Variants in ARHGAP24 observed in about 807,000 individuals in gnomAD.
The protein encoded by ARHGAP24 is Rho GTPase activating protein 24, also known as rho GTPase-activating protein 24.
A neutral mutation model predicts 76.4 loss-of-function variants in ARHGAP24; 50 were observed. That is an observed-to-expected ratio of 0.65 (90% CI 0.52 to 0.83). The LOEUF (loss-of-function observed/expected upper bound fraction) is 0.83. Ranked by LOEUF, ARHGAP24 falls within the 40% of genes least tolerant of loss-of-function variation. The pLI, the probability that ARHGAP24 is intolerant of heterozygous loss-of-function variation, is 0.00. For synonymous variants in ARHGAP24, 345 were observed against 323.3 expected (o/e 1.07, Z -0.72); for missense variants, 930 against 914.2 (o/e 1.02, Z -0.22).
At chr4:85,703,848 T>G (rs55954286) in intron 2 of ARHGAP24, among the ~76,000 whole-genome samples, 138 of 152,112 alleles carry the variant, frequency 9.1e-4, no homozygotes, top group Non-Finnish European at 1.3e-3. Flanking sequence ...ATAATTTACA[T>G]AGAGTTATGT....
chr4:85,883,108 G>A (rs927691922), intron 3 of ARHGAP24, among the ~76,000 whole-genome samples: 2 of 152,080 alleles, frequency 1.3e-5, no homozygotes, highest in Non-Finnish European at 2.9e-5. Flanking sequence ...AACAAGGCAG[G>A]GAGGAGAACT....
chr4:85,483,481 G>A (rs182780866), intron 1 of ARHGAP24, among the ~76,000 whole-genome samples: 281 of 152,184 alleles, frequency 1.8e-3, no homozygotes, highest in Middle Eastern at 3.4e-3. Context: ...GCGTGGTGGT[G>A]CATGCCTGTA....
intron 1 of ARHGAP24, among the ~76,000 whole-genome samples, chr4:85,511,304 C>T (rs1047510667): frequency 3.9e-4 from 60 of 152,088 alleles, no homozygotes; most frequent in African/African-American, 1.1e-3. Context: ...GTTTCTTTAA[C>T]GATCTAGGAA....
intron 2 of ARHGAP24, among the ~76,000 whole-genome samples, chr4:85,624,725 C>A (rs1368820533): frequency 6.6e-6 from 1 of 152,194 alleles, no homozygotes; most frequent in Admixed American, 6.5e-5. Context: ...GGTTGGTAAG[C>A]TATTGATTAT....
At chr4:85,783,955 T>C (rs887467116) in intron 3 of ARHGAP24, among the ~76,000 whole-genome samples, 1 of 152,148 alleles carries the variant, frequency 6.6e-6, no homozygotes, top group Non-Finnish European at 1.5e-5. Context: ...CTCTTCTACA[T>C]GAAACAAACA....
chr4:85,954,389 G>T (rs923995429), intron 5 of ARHGAP24, among the ~76,000 whole-genome samples: 1 of 152,060 alleles, frequency 6.6e-6, no homozygotes, highest in Non-Finnish European at 1.5e-5. Context: ...TTGTTTGTTT[G>T]TTTCTTTACT....
intron 3 of ARHGAP24, among the ~76,000 whole-genome samples, chr4:85,759,429 ATAAT>A (rs1218060462): frequency 6.6e-6 from 1 of 152,218 alleles, no homozygotes; most frequent in Non-Finnish European, 1.5e-5. Flanking sequence ...AAGGAAGAGA[ATAAT>A]TAGTCAATAC....
intron 3 of ARHGAP24, among the ~76,000 whole-genome samples, chr4:85,737,089 C>G (rs1219202392): frequency 6.6e-6 from 1 of 152,068 alleles, no homozygotes; most frequent in Non-Finnish European, 1.5e-5. Context: ...CATTCTTTCA[C>G]CAGCACACAG....
chr4:85,882,246 G>GCC (rs1166412220), intron 3 of ARHGAP24, among the ~76,000 whole-genome samples: 1 of 152,150 alleles, frequency 6.6e-6, no homozygotes, highest in Non-Finnish European at 1.5e-5. Flanking sequence ...AAAACATTAA[G>GCC]TTTATTGATT....
chr4:85,547,619 G>A (rs1323628866), intron 1 of ARHGAP24, among the ~76,000 whole-genome samples: 1 of 151,918 alleles, frequency 6.6e-6, no homozygotes, highest in Non-Finnish European at 1.5e-5. Flanking sequence ...TAATTTTGTG[G>A]AGATGGGTTT....
At chr4:85,973,634 T>C (rs1447073298) in intron 6 of ARHGAP24, among the ~76,000 whole-genome samples, 2 of 152,154 alleles carry the variant, frequency 1.3e-5, no homozygotes, top group Non-Finnish European at 1.5e-5. Context: ...TGTATTTTCT[T>C]CTAAGACTTC....
At chr4:85,644,675 A>G (rs1412194756) in intron 2 of ARHGAP24, among the ~76,000 whole-genome samples, 1 of 152,174 alleles carries the variant, frequency 6.6e-6, no homozygotes, top group African/African-American at 2.4e-5. Context: ...ATTAATGATA[A>G]TGACATGTAT....
intron 3 of ARHGAP24, among the ~76,000 whole-genome samples, chr4:85,812,141 A>T (rs1729041912): frequency 6.6e-6 from 1 of 152,174 alleles, no homozygotes; most frequent in African/African-American, 2.4e-5. Context: ...GTGCCACTGC[A>T]CTCCAGCCTG....
At chr4:85,538,848 A>G (rs1420650651) in intron 1 of ARHGAP24, among the ~76,000 whole-genome samples, 1 of 152,208 alleles carries the variant, frequency 6.6e-6, no homozygotes, top group East Asian at 1.9e-4. Context: ...TTCTGAGCTT[A>G]TAAGAGAAAG....
intron 1 of ARHGAP24, among the ~76,000 whole-genome samples, chr4:85,499,727 G>A (rs13434427): frequency 6.4e-4 from 97 of 152,176 alleles, no homozygotes; most frequent in Non-Finnish European, 5.7e-4. Flanking sequence ...AGATGAGTAC[G>A]GAAGAAGAAA....
At chr4:85,759,461 G>A (rs1201196705) in intron 3 of ARHGAP24, among the ~76,000 whole-genome samples, 3 of 152,136 alleles carry the variant, frequency 2.0e-5, no homozygotes, top group Non-Finnish European at 4.4e-5. Context: ...ATTAGAGAAG[G>A]AGGACTGATG....
At chr4:85,530,714 G>A (rs1725223131) in intron 1 of ARHGAP24, among the ~76,000 whole-genome samples, 1 of 152,002 alleles carries the variant, frequency 6.6e-6, no homozygotes, top group African/African-American at 2.4e-5. Flanking sequence ...CTTAGTGCAA[G>A]AGCAGAGCCA....
intron 3 of ARHGAP24, among the ~76,000 whole-genome samples, chr4:85,870,741 A>G (rs185380399): frequency 6.6e-6 from 1 of 152,256 alleles, no homozygotes; most frequent in East Asian, 1.9e-4. Context: ...TAATTATTGA[A>G]TGAGGGTTGT....
At chr4:85,937,751 CA>C (rs1736727326) in intron 4 of ARHGAP24, among the ~76,000 whole-genome samples, 1 of 150,278 alleles carries the variant, frequency 6.7e-6, no homozygotes, top group Non-Finnish European at 1.5e-5. Context: ...AATGATTTAC[CA>C]ACTAGGAAGT....
Sources: allele counts gnomAD v4.1 joint callset (sites outside exome capture counted in the v4.1 genomes callset), GRCh38; gene constraint gnomAD v4.1.1; transcripts MANE v1.5; gene names NCBI Gene and HGNC (gene_info 2026-07-23, HGNC 2026-07-21).